PTPRD: variants seen among roughly 807,000 people sequenced by gnomAD.
The protein encoded by PTPRD is receptor-type tyrosine-protein phosphatase delta.
A neutral mutation model predicts 214.5 loss-of-function variants in PTPRD; 34 were observed. The ratio of observed to expected loss-of-function variants is 0.16; its 90% CI spans 0.12 to 0.21. The LOEUF is 0.21. Ranked by LOEUF, PTPRD falls within the 10% of genes least tolerant of loss-of-function variation. The pLI is 1.00. For synonymous variants in PTPRD, 1,128 were observed against 845.7 expected (o/e 1.33, Z -5.79); for missense variants, 2,545 against 2,398.7 (o/e 1.06, Z -1.27).
At chr9:10,409,486 T>A (rs376601549) in intron 2 of PTPRD, among the ~76,000 whole-genome samples, 1 of 151,884 alleles carries the variant, frequency 6.6e-6, no homozygotes, top group African/African-American at 2.4e-5. Context: ...GACTAAAGAA[T>A]TGAGTTTAAA....
intron 11 of PTPRD, among the ~76,000 whole-genome samples, chr9:8,816,764 A>G (rs1427250875): frequency 1.3e-5 from 2 of 152,244 alleles, no homozygotes; most frequent in Non-Finnish European, 1.5e-5. Context: ...GTCTTTTTAC[A>G]TAAACAAAAG....
At chr9:9,671,527 G>T (rs1333463775) in intron 7 of PTPRD, among the ~76,000 whole-genome samples, 3 of 152,098 alleles carry the variant, frequency 2.0e-5, no homozygotes, top group African/African-American at 7.2e-5. Flanking sequence ...GGGGCAGAAT[G>T]ACATGGTTTG....
At chr9:9,997,647 A>G (rs1457301177) in intron 4 of PTPRD, among the ~76,000 whole-genome samples, 2 of 152,182 alleles carry the variant, frequency 1.3e-5, no homozygotes, top group Non-Finnish European at 2.9e-5. Context: ...TAGAGAGAGT[A>G]AAAAGAGTTC....
intron 7 of PTPRD, among the ~76,000 whole-genome samples, chr9:9,665,815 ATTTG>A (rs1288598929): frequency 6.6e-6 from 1 of 151,938 alleles, no homozygotes; most frequent in East Asian, 1.9e-4. Context: ...AAACTAAGAA[ATTTG>A]TTTGGCAAAA....
intron 35 of PTPRD, among the ~76,000 whole-genome samples, chr9:8,435,064 C>A (rs1266741129): frequency 6.6e-6 from 1 of 152,156 alleles, no homozygotes; most frequent in Non-Finnish European, 1.5e-5. Context: ...CAAACAAAAT[C>A]TTTGCATCCT....
chr9:10,127,598 A>T (rs145858480), intron 3 of PTPRD, among the ~76,000 whole-genome samples: 1,595 of 152,286 alleles, frequency 0.01, 16 homozygotes, highest in Non-Finnish European at 0.017. Flanking sequence ...ATATACTGTA[A>T]TTATTTATTA....
chr9:9,692,637 A>T (rs2097294746), intron 7 of PTPRD, among the ~76,000 whole-genome samples: 1 of 95,522 alleles, frequency 1.0e-5, no homozygotes, highest in East Asian at 3.3e-4. Context: ...ATAAATTTTA[A>T]GTTTTTTTTT....
chr9:8,322,797 T>G (rs1370729907), intron 44 of PTPRD, among the ~76,000 whole-genome samples: 2 of 152,188 alleles, frequency 1.3e-5, no homozygotes, highest in Admixed American at 1.3e-4. Context: ...CATCTAAGAC[T>G]TTGATAGCTA....
intron 3 of PTPRD, among the ~76,000 whole-genome samples, chr9:10,077,098 C>G (rs940346816): frequency 1.3e-5 from 2 of 152,124 alleles, no homozygotes; most frequent in Non-Finnish European, 2.9e-5. Flanking sequence ...TAAAACTTCA[C>G]GTTCATTTTA....
chr9:10,577,915 C>CT (rs148884393), intron 2 of PTPRD, among the ~76,000 whole-genome samples: 68 of 143,020 alleles, frequency 4.8e-4, no homozygotes, highest in African/African-American at 1.2e-3. Context: ...AAGTTATTTC[C>CT]TTTTTTTTTT....
intron 2 of PTPRD, among the ~76,000 whole-genome samples, chr9:10,523,116 G>A (rs866715886): frequency 1.3e-5 from 2 of 151,942 alleles, no homozygotes; most frequent in Non-Finnish European, 2.9e-5. Flanking sequence ...CTCTGTGGTT[G>A]AAAAATAAAA....
chr9:9,570,038 A>G (rs1431437428), intron 8 of PTPRD, among the ~76,000 whole-genome samples: 1 of 151,584 alleles, frequency 6.6e-6, no homozygotes, highest in African/African-American at 2.4e-5. Flanking sequence ...TTTTAGGGAA[A>G]AAAAATAACC....
chr9:8,800,814 T>C (rs1252700119), intron 11 of PTPRD, among the ~76,000 whole-genome samples: 1 of 152,148 alleles, frequency 6.6e-6, no homozygotes, highest in East Asian at 1.9e-4. Flanking sequence ...TCTCATGGGG[T>C]CTGGATTGGG....
intron 36 of PTPRD, among the ~76,000 whole-genome samples, chr9:8,396,080 T>G (rs1271217009): frequency 2.0e-5 from 3 of 152,114 alleles, no homozygotes; most frequent in Admixed American, 2.0e-4. Flanking sequence ...CAATCAAGCA[T>G]GAGACATGAC....
chr9:10,458,233 T>G (rs534484573), intron 2 of PTPRD, among the ~76,000 whole-genome samples: 1 of 152,176 alleles, frequency 6.6e-6, no homozygotes, highest in East Asian at 1.9e-4. Context: ...AAGACAAAGA[T>G]ATCCCAAGGA....
intron 2 of PTPRD, among the ~76,000 whole-genome samples, chr9:10,440,201 C>T (rs76351935): frequency 0.014 from 2,082 of 151,572 alleles, 40 homozygotes; most frequent in African/African-American, 0.046. Flanking sequence ...TTATAGGAAA[C>T]TATAAAAACA....
chr9:8,919,454 AT>A (rs1191835513), intron 11 of PTPRD, among the ~76,000 whole-genome samples: 4 of 151,390 alleles, frequency 2.6e-5, no homozygotes, highest in Non-Finnish European at 4.4e-5. Flanking sequence ...TCCATGCAAT[AT>A]TTTTTTCTCT....
chr9:10,429,357 C>G (rs138666975), intron 2 of PTPRD, among the ~76,000 whole-genome samples: 1 of 151,900 alleles, frequency 6.6e-6, no homozygotes, highest in Non-Finnish European at 1.5e-5. Context: ...GAAAATAAAT[C>G]AATACATCTA....
rs16930007 is a variant in PTPRD at position 9,665,240 on chromosome 9, C to G, written c.-287+69293G>C. 7.4e-3 allele frequency among the ~76,000 whole-genome samples: 1,115 copies of G among 151,598 alleles called. 12 individuals carry two copies. The highest frequency in any genetic ancestry group is 0.026 in the African/African-American group (1,060 of 41,450). On this transcript the variant is annotated intron_variant, in intron 7 of 45. Transcript: ENST00000381196. ...GTAACGAATAAAACCTTAGAATGGT[C>G]CATTTAAAAACCACAAATAATTGAT... is the stretch of plus-strand genomic sequence containing the variant.
Sources: gnomAD v4.1 joint callset for allele counts (sites outside exome capture counted in the v4.1 genomes callset) on GRCh38, gnomAD v4.1.1 for gene constraint, MANE v1.5 for transcripts, NCBI Gene and HGNC (gene_info 2026-07-23, HGNC 2026-07-21) for gene names.